The following PTPRD variants were observed in gnomAD, a reference collection of about 807,000 sequenced individuals.
The protein encoded by PTPRD is protein tyrosine phosphatase receptor type D.
In PTPRD, 34 loss-of-function variants were observed where a neutral mutation model predicts 214.5. The ratio of observed to expected loss-of-function variants is 0.16; its 90% CI spans 0.12 to 0.21. PTPRD has a LOEUF of 0.21. Among genes scored for constraint, PTPRD ranks in the 10% least tolerant of loss-of-function variants. PTPRD has a pLI of 1.00. For synonymous variants in PTPRD, 1,128 were observed against 845.7 expected, an observed-to-expected ratio of 1.33 and a Z score of -5.79; for missense variants, 2,545 against 2,398.7, an observed-to-expected ratio of 1.06 and a Z score of -1.27.
intron 7 of PTPRD, among the ~76,000 whole-genome samples, chr9:9,652,697 C>G (rs1432769741): frequency 6.6e-6 from 1 of 151,548 alleles, no homozygotes; most frequent in East Asian, 2.0e-4. Flanking sequence ...TCACTGCAAT[C>G]TCCACCTCCC....
intron 9 of PTPRD, among the ~76,000 whole-genome samples, chr9:9,374,942 G>C (rs1241452528): frequency 6.6e-6 from 1 of 152,118 alleles, no homozygotes; most frequent in East Asian, 1.9e-4. Context: ...AATTTGGCTT[G>C]ATATAAAAGA....
At chr9:10,088,965 A>T (rs1446839135) in intron 3 of PTPRD, among the ~76,000 whole-genome samples, 1 of 151,588 alleles carries the variant, frequency 6.6e-6, no homozygotes, top group Non-Finnish European at 1.5e-5. Flanking sequence ...TGGTGAATTT[A>T]GGGGCCAAGA....
intron 7 of PTPRD, among the ~76,000 whole-genome samples, chr9:9,584,088 T>G (rs2091428698): frequency 6.6e-6 from 1 of 151,986 alleles, no homozygotes; most frequent in Admixed American, 6.6e-5. Context: ...TCTGCCTTGT[T>G]AGAAATACAG....
chr9:10,382,482 A>G (rs1018711760), intron 2 of PTPRD, among the ~76,000 whole-genome samples: 1 of 151,920 alleles, frequency 6.6e-6, no homozygotes, highest in African/African-American at 2.4e-5. Context: ...CTCGTCTATG[A>G]AGAATTATTG....
chr9:9,256,644 A>G (rs2099977832), intron 9 of PTPRD, among the ~76,000 whole-genome samples: 1 of 151,966 alleles, frequency 6.6e-6, no homozygotes, highest in African/African-American at 2.4e-5. Flanking sequence ...GGTTCTTTCT[A>G]TTATAAGACA....
chr9:9,363,833 C>T (rs543069370), intron 9 of PTPRD, among the ~76,000 whole-genome samples: 83 of 151,230 alleles, frequency 5.5e-4, no homozygotes, highest in Non-Finnish European at 1.0e-3. Flanking sequence ...TAAGGTCCAG[C>T]GACAGTAAAT....
chr9:9,236,755 C>T (rs2134136429), intron 9 of PTPRD, among the ~76,000 whole-genome samples: 2 of 151,888 alleles, frequency 1.3e-5, no homozygotes, highest in Admixed American at 1.3e-4. Context: ...ATTATTTGGG[C>T]TTTGTGTGCA....
In PTPRD at chr9:9,088,988, A is replaced by G. The variant is rs10977477; in HGVS notation, c.-142-70253T>C. 8.2e-3 allele frequency among the ~76,000 whole-genome samples: 1,251 copies of G among 152,312 alleles called. 8 individuals carry two copies. The highest frequency in any genetic ancestry group is 0.015 in the Non-Finnish European group (1,016 of 68,022). On this transcript the variant is annotated intron_variant, in intron 10 of 45. Coordinates refer to ENST00000381196, the MANE Select transcript of PTPRD (RefSeq NM_002839.4). The stretch of plus-strand genomic sequence containing the variant: ...GATAAGCACTCAATAAATATGAGCT[A>G]TTTTGAAGGGAACACAAGGGTTTTT...
chr9:10,280,360 C>CACACACACA (rs752581841), intron 3 of PTPRD, among the ~76,000 whole-genome samples: 1 of 144,724 alleles, frequency 6.9e-6, no homozygotes, highest in African/African-American at 2.6e-5. Flanking sequence ...TACATAAACA[C>CACACACACA]CACACACACA....
intron 7 of PTPRD, among the ~76,000 whole-genome samples, chr9:9,711,829 A>T (rs2097737789): frequency 6.6e-6 from 1 of 152,174 alleles, no homozygotes; most frequent in South Asian, 2.1e-4. Flanking sequence ...TTTGAGCTGG[A>T]TTCACACAGC....
intron 2 of PTPRD, among the ~76,000 whole-genome samples, chr9:10,452,776 T>C (rs74892342): frequency 0.012 from 1,806 of 151,928 alleles, 33 homozygotes; most frequent in African/African-American, 0.039. Flanking sequence ...ATAACATTGG[T>C]TGCCTTTTCA....
rs78462427 is a variant in PTPRD, at chr9:8,476,744, A to G, written c.3414-5659T>C. The stretch of plus-strand genomic sequence containing the variant: ...AACATTTGCTTAACTTTGCTATTTT[A>G]TCATGGAATTATTCTTCCACTGTAA... On this transcript the variant is annotated intron_variant, in intron 30 of 45. Coordinates refer to ENST00000381196, the MANE Select transcript of PTPRD (RefSeq NM_002839.4). 7.9e-3 allele frequency among the ~76,000 whole-genome samples: 1,206 copies of G among 152,322 alleles called. 14 individuals carry two copies. The highest frequency in any genetic ancestry group is 0.028 in the African/African-American group (1,151 of 41,562).
At chr9:9,285,899 T>A (rs1254610124) in intron 9 of PTPRD, among the ~76,000 whole-genome samples, 1 of 151,808 alleles carries the variant, frequency 6.6e-6, no homozygotes, top group Non-Finnish European at 1.5e-5. Flanking sequence ...TATCTATATA[T>A]CTGTAAATTA....
chr9:9,407,634 T>C (rs1335803821), intron 8 of PTPRD, among the ~76,000 whole-genome samples: 1 of 151,822 alleles, frequency 6.6e-6, no homozygotes, highest in Non-Finnish European at 1.5e-5. Flanking sequence ...ATTTCACTTT[T>C]AGTGCCACTG....
Position 10,604,431 on chromosome 9 carries a change from T to C in PTPRD, c.-600+7967A>G, listed in dbSNP as rs188737184. Among the ~76,000 whole-genome samples, 228 of 151,644 alleles carry C rather than the reference T, an allele frequency of 1.5e-3. 1 individual carries two copies. Among genetic ancestry groups the C allele is most frequent in the African/African-American group, 5.1e-3 (213 of 41,398 alleles). ...ATGTTTTCCAAGTGGGAGAGGTGTA[T>C]GGGAAAATAGGAAGACTTCAAGCCC... On this transcript the variant is annotated intron_variant, in intron 2 of 45. Coordinates refer to ENST00000381196, the MANE Select transcript of PTPRD (RefSeq NM_002839.4).
At chr9:8,538,434 A>G (rs946081158) in intron 14 of PTPRD, among the ~76,000 whole-genome samples, 1 of 151,910 alleles carries the variant, frequency 6.6e-6, no homozygotes, top group Admixed American at 6.6e-5. Context: ...AACAAGCTCA[A>G]TCAAATGGGA....
intron 2 of PTPRD, among the ~76,000 whole-genome samples, chr9:10,560,024 A>G (rs1032692063): frequency 6.6e-6 from 1 of 152,188 alleles, no homozygotes; most frequent in Non-Finnish European, 1.5e-5. Flanking sequence ...ATCTAGAACT[A>G]GAAATACCAT....
At chr9:10,313,945 C>T (rs1455002281) in intron 3 of PTPRD, among the ~76,000 whole-genome samples, 1 of 151,934 alleles carries the variant, frequency 6.6e-6, no homozygotes, top group East Asian at 1.9e-4. Context: ...ATTTATCACC[C>T]TAGTGCTTTC....
chr9:10,544,968 T>C (rs2059889087), intron 2 of PTPRD, among the ~76,000 whole-genome samples: 1 of 152,312 alleles, frequency 6.6e-6, no homozygotes, highest in African/African-American at 2.4e-5. Flanking sequence ...TTTTTTCTGG[T>C]TCAGGAAATG....
Sources: allele counts gnomAD v4.1 joint callset (sites outside exome capture counted in the v4.1 genomes callset), GRCh38; gene constraint gnomAD v4.1.1; transcripts MANE v1.5; gene names NCBI Gene and HGNC (gene_info 2026-07-23, HGNC 2026-07-21).